RASAL2: variants seen among roughly 807,000 people sequenced by gnomAD.
RASAL2 encodes the protein RAS protein activator like 2, also known as ras GTPase-activating protein nGAP.
In RASAL2, 58 loss-of-function variants were observed where a neutral mutation model predicts 128.9. The ratio of observed to expected loss-of-function variants is 0.45; its 90% CI spans 0.36 to 0.56. The LOEUF is 0.56. Ranked by LOEUF, RASAL2 falls within the 20% of genes least tolerant of loss-of-function variation. The pLI is 0.00. For synonymous variants in RASAL2, 561 were observed against 580.8 expected (o/e 0.97, Z 0.49); for missense variants, 1,360 against 1,601.6 (o/e 0.85, Z 2.57).
chr1:178,375,911 C>A (rs761438924), intron 3 of RASAL2, among the ~76,000 whole-genome samples: 1 of 152,070 alleles, frequency 6.6e-6, no homozygotes, highest in Non-Finnish European at 1.5e-5. Flanking sequence ...GAAATGAAGT[C>A]ACAGGTGGGA....
rs913967629 is a variant in RASAL2, at chr1:178,135,636, A to G, written c.202+40942A>G. Among the ~76,000 whole-genome samples the G allele has an allele frequency of 2.0e-5, 3 of 152,276 alleles. No individual in the cohort carries two copies. The South Asian group carries it at 6.2e-4, about 32-fold the overall frequency. On this transcript the variant is annotated intron_variant, in intron 1 of 17. Transcript: ENST00000367649. ...AAGTATAGAAAAGAAATAGCATTTT[A>G]CATATACTATTGTATTAGTCCATTT...
At chr1:178,314,779 C>G (rs1668422271) in intron 3 of RASAL2, among the ~76,000 whole-genome samples, 1 of 152,018 alleles carries the variant, frequency 6.6e-6, no homozygotes, top group Non-Finnish European at 1.5e-5. Flanking sequence ...CTTCCTCTCA[C>G]TTTATTTATT....
chr1:178,123,133 A>C (rs937926672), intron 1 of RASAL2: 8 of 152,152 alleles, frequency 5.3e-5, no homozygotes, highest in African/African-American at 1.9e-4. Flanking sequence ...ATCTCTCACC[A>C]ATCAGAATAT....
At chr1:178,456,591 C>T in intron 12 of RASAL2, 130 bp from the exon 13 acceptor site, 1 of 931,904 alleles carries the variant, frequency 1.1e-6, no homozygotes, top group Non-Finnish European at 1.7e-6. Context: ...CCTGCCACTC[C>T]CATATGCAAA....
At chr1:178,115,971 A>C (rs1435479060) in intron 1 of RASAL2, among the ~76,000 whole-genome samples, 1 of 152,202 alleles carries the variant, frequency 6.6e-6, no homozygotes, top group East Asian at 1.9e-4. Flanking sequence ...TGAAAACTAG[A>C]GGGATGTTGG....
intron 1 of RASAL2, among the ~76,000 whole-genome samples, chr1:178,156,579 C>T (rs193286349): frequency 1.6e-4 from 25 of 152,170 alleles, no homozygotes; most frequent in African/African-American, 5.3e-4. Context: ...AAGAAATACA[C>T]GTGAAAGTGT....
intron 12 of RASAL2, among the ~76,000 whole-genome samples, chr1:178,455,461 T>G (rs186136619): frequency 6.6e-6 from 1 of 152,192 alleles, no homozygotes; most frequent in African/African-American, 2.4e-5. Context: ...TTCCTATCAA[T>G]AAAAATGCTA....
At chr1:178,169,100 T>C (rs1025512821) in intron 1 of RASAL2, among the ~76,000 whole-genome samples, 12 of 152,144 alleles carry the variant, frequency 7.9e-5, no homozygotes, top group African/African-American at 1.2e-4. Flanking sequence ...AACATTAATA[T>C]GCATAGTTGC....
At chr1:178,453,229 A>G (rs1476040016) in intron 11 of RASAL2, among the ~76,000 whole-genome samples, 5 of 152,064 alleles carry the variant, frequency 3.3e-5, no homozygotes, top group African/African-American at 9.7e-5. Context: ...TTTGGGGGCA[A>G]TGGGTGGAAT....
chr1:178,251,267 A>G (rs1182934580), intron 1 of RASAL2, among the ~76,000 whole-genome samples: 5 of 152,346 alleles, frequency 3.3e-5, no homozygotes, highest in East Asian at 1.9e-4. Flanking sequence ...GAAAGGTACT[A>G]TGTAAGCTTA....
intron 1 of RASAL2, among the ~76,000 whole-genome samples, chr1:178,130,181 G>A (rs1660050906): frequency 6.6e-6 from 1 of 151,992 alleles, no homozygotes; most frequent in Non-Finnish European, 1.5e-5. Context: ...TTTTTTAAAG[G>A]CCAATTTCCA....
rs150729197 is a variant in RASAL2, at chr1:178,458,261, C to T, written c.2969C>T (p.Thr990Met). ...AGTGAGGACTTCTCCAGGCGGCACA[C>T]GGTGCCAGATAGACACATACCTCTT... ...TQSEDFSRRH[T>M]VPDRHIPLAL... The change falls in exon 14 of 18, where the codon ACG (threonine) becomes ATG (methionine). Residue 990 changes from threonine to methionine, a missense_variant. Physicochemically the swap from Thr to Met is moderately conservative, Grantham distance 81. Transcript: ENST00000367649. The T allele has an allele frequency of 2.5e-5, 40 of 1,614,122 alleles. No individual in the cohort carries two copies. The highest frequency in any genetic ancestry group is 4.0e-5 in the African/African-American group (3 of 74,926).
chr1:178,458,443 G>A lies in RASAL2; in HGVS notation c.3151G>A (p.Glu1051Lys), dbSNP rs368536150. 2.1e-5 allele frequency: 34 copies of A among 1,614,170 alleles called. No individual in the cohort carries two copies. Among genetic ancestry groups the A allele is most frequent in the South Asian group, 4.4e-5 (4 of 91,084 alleles). The change falls in exon 14 of 18, where the codon GAA becomes AAA. Residue 1051 changes from glutamate to lysine, a missense_variant. Glu to Lys is a moderately conservative substitution (Grantham distance 56, BLOSUM62 1). Coordinates refer to ENST00000367649, the MANE Select transcript of RASAL2 (RefSeq NM_170692.4). Reference sequence around the variant, plus strand: ...AGTGGTGTCCGCAGCCCTGGTGGCCGAACCTGTGCAGAATGGGAGCCGGTC... The same window carrying A: ...AGTGGTGTCCGCAGCCCTGGTGGCCAAACCTGTGCAGAATGGGAGCCGGTC... The part of the protein sequence containing the change: ...MSVVSAALVA[E>K]PVQNGSRSRQ...
At position 178,131,329 on chromosome 1, in the gene RASAL2, C is replaced by G. The variant is rs1182282220; in HGVS notation, c.202+36635C>G. The stretch of plus-strand genomic sequence containing the variant: ...TCAAGTGATCCTCCTGCCTCAGCCT[C>G]CTGAGTAGCTGGCACTGTAGTCGTG... On this transcript the variant is annotated intron_variant, in intron 1 of 17. Coordinates refer to ENST00000367649, the MANE Select transcript of RASAL2 (RefSeq NM_170692.4). Among the ~76,000 whole-genome samples, 4 of 150,948 alleles carry G rather than the reference C, an allele frequency of 2.6e-5. No homozygotes were observed. In the East Asian group the frequency reaches 5.8e-4, roughly 22 times the overall value.
chr1:178,240,153 A>C (rs1013346977), intron 1 of RASAL2, among the ~76,000 whole-genome samples: 4 of 152,080 alleles, frequency 2.6e-5, no homozygotes, highest in Non-Finnish European at 4.4e-5. Flanking sequence ...TATGTTGTCC[A>C]CAGTGAACAA....
At chr1:178,223,016 G>A (rs1663663753) in intron 1 of RASAL2, among the ~76,000 whole-genome samples, 1 of 152,072 alleles carries the variant, frequency 6.6e-6, no homozygotes. Flanking sequence ...TCTGTATTTT[G>A]ATGTAATCTT....
chr1:178,404,302 A>C (rs1420289661), intron 4 of RASAL2, among the ~76,000 whole-genome samples: 3 of 152,004 alleles, frequency 2.0e-5, no homozygotes, highest in African/African-American at 7.2e-5. Context: ...AGACGTGAAG[A>C]GGTAATAGGT....
chr1:178,474,711 C>G lies in RASAL2; in HGVS notation c.*1472C>G, dbSNP rs1648549393. 6.6e-6 allele frequency: 1 copy of G among 151,448 alleles called. No individual in the cohort carries two copies. The highest frequency in any genetic ancestry group is 2.4e-5 in the African/African-American group (1 of 41,234). The allele number at this position is 151,448 out of a possible 1,614,324, so 9.4% of individuals were successfully genotyped here. Reference sequence around the variant, plus strand: ...TACAAATATATATATAATATATATTCACACATATGTACATATAACTGCACA... The same window carrying G: ...TACAAATATATATATAATATATATTGACACATATGTACATATAACTGCACA... On this transcript the variant is annotated 3_prime_UTR_variant, in exon 18 of 18. Transcript: ENST00000367649.
chr1:178,175,456 G>GTGTGTA (rs1661851475), intron 1 of RASAL2, among the ~76,000 whole-genome samples: 1 of 151,666 alleles, frequency 6.6e-6, no homozygotes, highest in African/African-American at 2.4e-5. Context: ...GTGTGTGTGT[G>GTGTGTA]TGTGTGTGTG....
Sources: gnomAD v4.1 joint callset for allele counts (sites outside exome capture counted in the v4.1 genomes callset) on GRCh38, gnomAD v4.1.1 for gene constraint, MANE v1.5 for transcripts, NCBI Gene and HGNC (gene_info 2026-07-23, HGNC 2026-07-21) for gene names.